Variants in C2orf76 observed in about 807,000 individuals in gnomAD.
The protein encoded by C2orf76 is chromosome 2 open reading frame 76, also known as UPF0538 protein C2orf76.
A neutral mutation model predicts 16.9 loss-of-function variants in C2orf76; 23 were observed. The observed-to-expected ratio is 1.36, with a 90% confidence interval of 0.98 to 1.93. The LOEUF (loss-of-function observed/expected upper bound fraction) is 1.93. Among genes scored for constraint, C2orf76 ranks in the 30% most tolerant of loss-of-function variants. C2orf76 has a pLI of 0.00. For missense variants in C2orf76, 152 were observed against 152.6 expected (o/e 1.00, Z 0.02); for synonymous variants, 48 against 52.3 (o/e 0.92, Z 0.35).
the C2orf76 span, among the ~76,000 whole-genome samples, chr2:119,296,857 G>A: frequency 6.6e-6 from 1 of 152,228 alleles, no homozygotes; most frequent in African/African-American, 2.4e-5. Flanking sequence ...ATGGGGAACT[G>A]TCTCTTGGCT....
chr2:119,299,322 A>T (rs1191737320), downstream of C2orf76, among the ~76,000 whole-genome samples: 1 of 152,228 alleles, frequency 6.6e-6, no homozygotes, highest in East Asian at 1.9e-4. Context: ...TTCCCTTGCT[A>T]ATTTTTATAT....
intron 1 of C2orf76, among the ~76,000 whole-genome samples, chr2:119,364,039 G>C (rs2053734): frequency 0.16 from 23,882 of 147,518 alleles, 2,120 homozygotes; most frequent in East Asian, 0.22. Flanking sequence ...GAGAGAGAGA[G>C]AGACAGACAG....
chr2:119,344,197 G>C (rs563322889), intron 1 of C2orf76, among the ~76,000 whole-genome samples: 1 of 152,114 alleles, frequency 6.6e-6, no homozygotes, highest in Non-Finnish European at 1.5e-5. Flanking sequence ...CAAAACAATA[G>C]CTACTATCAG....
At chr2:119,304,636 C>T (rs1678719817) in intron 5 of C2orf76, among the ~76,000 whole-genome samples, 1 of 152,172 alleles carries the variant, frequency 6.6e-6, no homozygotes, top group Non-Finnish European at 1.5e-5. Context: ...ATACTTCAGG[C>T]TGATTTAAAA....
At chr2:119,307,343 G>A (rs543164228) in intron 5 of C2orf76, among the ~76,000 whole-genome samples, 28 of 152,114 alleles carry the variant, frequency 1.8e-4, no homozygotes, top group African/African-American at 6.0e-4. Flanking sequence ...AGAGGCTGAG[G>A]CAGGAGAATC....
At chr2:119,284,518 G>A in the C2orf76 span, among the ~76,000 whole-genome samples, 4 of 152,086 alleles carry the variant, frequency 2.6e-5, no homozygotes, top group African/African-American at 9.6e-5. Flanking sequence ...GTGGATCACC[G>A]GGCTTGCATA....
intron 2 of C2orf76, among the ~76,000 whole-genome samples, chr2:119,335,461 T>C (rs1262280251): frequency 1.3e-5 from 2 of 152,184 alleles, no homozygotes; most frequent in African/African-American, 2.4e-5. Context: ...CGTGCACCCA[T>C]GCACACTGAG....
At chr2:119,357,597 C>CAAAA (rs56672129) in intron 1 of C2orf76, among the ~76,000 whole-genome samples, 1 of 123,008 alleles carries the variant, frequency 8.1e-6, no homozygotes, top group Non-Finnish European at 1.7e-5. Context: ...AAAAACAAAC[C>CAAAA]AAAAAAAAAA....
At chr2:119,351,781 T>C (rs1205180806) in intron 1 of C2orf76, among the ~76,000 whole-genome samples, 3 of 151,898 alleles carry the variant, frequency 2.0e-5, no homozygotes, top group Admixed American at 1.3e-4. Flanking sequence ...AGCATAGTGT[T>C]GTCTTGTTTG....
intron 2 of C2orf76, among the ~76,000 whole-genome samples, chr2:119,325,557 C>T (rs947711446): frequency 2.6e-5 from 4 of 151,746 alleles, no homozygotes; most frequent in Non-Finnish European, 5.9e-5. Flanking sequence ...GTTAAGGCTG[C>T]AGTGAGCTAT....
Position 119,311,691 on chromosome 2 carries a change from C to T in C2orf76, c.235G>A (p.Val79Met). 1.2e-6 allele frequency: 2 copies of T among 1,606,262 alleles called. No individual in the cohort carries two copies. The highest frequency in any genetic ancestry group is 1.7e-6 in the Non-Finnish European group (2 of 1,178,844). The change falls in exon 5 of 6, where the codon GTG (valine) becomes ATG (methionine). Residue 79 changes from valine to methionine, a missense_variant. Physicochemically the swap from Val to Met is conservative, Grantham distance 21. Transcript: ENST00000334816. ...QAHKSKTNEL[V>M]LSLEDDERLL... ...CTTTCGTCATCTTCCAAACTCAACA[C>T]AAGTTCATTTGTCTAAAAAAAAAAA...
the C2orf76 span, among the ~76,000 whole-genome samples, chr2:119,284,517 C>T: frequency 1.3e-5 from 2 of 152,062 alleles, no homozygotes; most frequent in African/African-American, 4.8e-5. Context: ...AGTGGATCAC[C>T]GGGCTTGCAT....
downstream of C2orf76, among the ~76,000 whole-genome samples, chr2:119,297,392 G>A (rs1213553933): frequency 6.6e-6 from 1 of 152,130 alleles, no homozygotes; most frequent in African/African-American, 2.4e-5. Context: ...ATACCTATAT[G>A]TTTAAATAAC....
chr2:119,292,497 C>G, the C2orf76 span, among the ~76,000 whole-genome samples: 1 of 152,124 alleles, frequency 6.6e-6, no homozygotes, highest in South Asian at 2.1e-4. Flanking sequence ...CGAGTCAGAC[C>G]GACAAAAACA....
At chr2:119,289,126 G>A in the C2orf76 span, among the ~76,000 whole-genome samples, 2 of 152,020 alleles carry the variant, frequency 1.3e-5, no homozygotes, top group Admixed American at 6.6e-5. Context: ...CCTTTGACTT[G>A]GAGCCCGAGG....
chr2:119,337,353 G>C (rs1391381296), intron 2 of C2orf76, among the ~76,000 whole-genome samples: 1 of 151,830 alleles, frequency 6.6e-6, no homozygotes, highest in South Asian at 2.1e-4. Flanking sequence ...TTACAGATGT[G>C]AGCCACTGCA....
chr2:119,348,937 A>G (rs1680295109), intron 1 of C2orf76, among the ~76,000 whole-genome samples: 1 of 152,214 alleles, frequency 6.6e-6, no homozygotes, highest in Admixed American at 6.5e-5. Context: ...CCAAGAGCCA[A>G]GATTGCACCA....
chr2:119,317,576 G>T, intron 3 of C2orf76, 73 bp from the exon 4 acceptor site: 1 of 1,250,816 alleles, frequency 8.0e-7, no homozygotes, highest in Admixed American at 1.9e-5. Context: ...AAAATGGGTG[G>T]AGGGTGGCTA....
chr2:119,335,686 T>C (rs1679825054), intron 2 of C2orf76, among the ~76,000 whole-genome samples: 1 of 152,218 alleles, frequency 6.6e-6, no homozygotes, highest in South Asian at 2.1e-4. Flanking sequence ...AGAGTAACTT[T>C]ACAGTAGAGA....
Sources: allele counts gnomAD v4.1 joint callset (sites outside exome capture counted in the v4.1 genomes callset), GRCh38; gene constraint gnomAD v4.1.1; transcripts MANE v1.5; gene names NCBI Gene and HGNC (gene_info 2026-07-23, HGNC 2026-07-21).